Variants in TRMT44 observed in about 807,000 individuals in gnomAD.
TRMT44 encodes probable tRNA (uracil-O(2)-)-methyltransferase.
TRMT44 carries 78 observed loss-of-function variants against 77.3 expected under a neutral mutation model. That is an observed-to-expected ratio of 1.01 (90% CI 0.84 to 1.22). The LOEUF is 1.22. Among genes scored for constraint, TRMT44 ranks in the 50% most tolerant of loss-of-function variants. The probability of loss-of-function intolerance (pLI) is 0.00; values close to 1 mark genes in which losing one functional copy is unlikely to be tolerated. For missense variants in TRMT44, 1,090 were observed against 964.4 expected, an observed-to-expected ratio of 1.13 and a Z score of -1.73; for synonymous variants, 391 against 383.3, an observed-to-expected ratio of 1.02 and a Z score of -0.23.
At chr4:8,441,789 A>G (rs903200578) in intron 1 of TRMT44, among the ~76,000 whole-genome samples, 12 of 152,178 alleles carry the variant, frequency 7.9e-5, no homozygotes, top group African/African-American at 2.7e-4. Flanking sequence ...CGACGAAGGA[A>G]TGAGACGAGA....
intron 10 of TRMT44, among the ~76,000 whole-genome samples, chr4:8,474,035 G>T (rs539815093): frequency 6.6e-6 from 1 of 152,238 alleles, no homozygotes; most frequent in Non-Finnish European, 1.5e-5. Flanking sequence ...CTCCGGAGCC[G>T]CGTGGGAGGG....
At chr4:8,479,906 C>T (rs1560247108), downstream of TRMT44, among the ~76,000 whole-genome samples, 1 of 151,912 alleles carries the variant, frequency 6.6e-6, no homozygotes, top group Non-Finnish European at 1.5e-5. Context: ...GAGACGGGGT[C>T]TTGTTGTGTC....
chr4:8,511,202 A>G, the TRMT44 span, among the ~76,000 whole-genome samples: 1 of 152,244 alleles, frequency 6.6e-6, no homozygotes, highest in Non-Finnish European at 1.5e-5. Flanking sequence ...CTTTAATAAC[A>G]GTGAGTTACA....
At chr4:8,511,512 A>G in the TRMT44 span, among the ~76,000 whole-genome samples, 1 of 152,176 alleles carries the variant, frequency 6.6e-6, no homozygotes, top group East Asian at 1.9e-4. Flanking sequence ...GGTGCTGGTC[A>G]TTACCCCAAA....
chr4:8,441,929 C>G lies in TRMT44; in HGVS notation c.619+488C>G, dbSNP rs574861816. On this transcript the variant is annotated intron_variant, in intron 1 of 10. Coordinates refer to ENST00000389737, the MANE Select transcript of TRMT44 (RefSeq NM_152544.3). ...AGATCTAAGAAGCGGACGTTCGGGG[C>G]GAAAGGGTGAAAGGGAGACAGTGCA... Among the ~76,000 whole-genome samples the G allele has an allele frequency of 1.2e-4, 19 of 152,250 alleles. No homozygotes were observed. The East Asian group carries it at 3.7e-3, about 29-fold the overall frequency.
chr4:8,509,171 A>C, the TRMT44 span: 7 of 148,378 alleles, frequency 4.7e-5, no homozygotes, highest in Admixed American at 4.7e-4. Context: ...GAAGGAACCA[A>C]AGAGATCCTT....
chr4:8,474,791 G>A (rs879699442), intron 10 of TRMT44, among the ~76,000 whole-genome samples: 1 of 152,122 alleles, frequency 6.6e-6, no homozygotes, highest in Non-Finnish European at 1.5e-5. Flanking sequence ...TTCCCACAAG[G>A]AAACGGCCAA....
chr4:8,450,353 T>A (rs1458448375), intron 3 of TRMT44, among the ~76,000 whole-genome samples: 1 of 152,060 alleles, frequency 6.6e-6, no homozygotes, highest in Non-Finnish European at 1.5e-5. Context: ...TAGACAGATA[T>A]ATAATGGAAA....
downstream of TRMT44, among the ~76,000 whole-genome samples, chr4:8,481,492 G>A (rs768700357): frequency 6.6e-6 from 1 of 152,066 alleles, no homozygotes; most frequent in Non-Finnish European, 1.5e-5. Context: ...TACTCTCTTC[G>A]TCGACAACCT....
intron 1 of TRMT44, among the ~76,000 whole-genome samples, chr4:8,441,811 T>G (rs559268117): frequency 2.6e-5 from 4 of 151,996 alleles, no homozygotes; most frequent in African/African-American, 9.7e-5. Context: ...AGGTTAAGAG[T>G]GCATAAAGAT....
At chr4:8,480,034 C>T (rs1286416819), downstream of TRMT44, among the ~76,000 whole-genome samples, 1 of 152,076 alleles carries the variant, frequency 6.6e-6, no homozygotes, top group African/African-American at 2.4e-5. Context: ...GCACGTGCCA[C>T]CATGTTGCCC....
At chr4:8,445,192 A>G (rs191736245) in intron 1 of TRMT44, among the ~76,000 whole-genome samples, 3 of 152,286 alleles carry the variant, frequency 2.0e-5, no homozygotes, top group East Asian at 1.9e-4. Context: ...GGGTCTTACT[A>G]TGTTTCTTAG....
At chr4:8,465,110 G>A (rs1056418674) in intron 7 of TRMT44, among the ~76,000 whole-genome samples, 10 of 152,134 alleles carry the variant, frequency 6.6e-5, no homozygotes, top group Admixed American at 4.6e-4. Context: ...CCCCCTGGTA[G>A]TTACTATGCT....
Position 8,471,119 on chromosome 4 carries a change from G to A in TRMT44, c.1963G>A (p.Asp655Asn). 1 of 1,608,126 alleles carries A rather than the reference G, an allele frequency of 6.2e-7. No homozygotes were observed. The highest frequency in any genetic ancestry group is 8.5e-7 in the Non-Finnish European group (1 of 1,177,168). The change falls in exon 10 of 11, where the codon GAC (aspartate) becomes AAC (asparagine). Residue 655 changes from aspartate (D) to asparagine (N), a missense_variant. Coordinates refer to ENST00000389737, the MANE Select transcript of TRMT44 (RefSeq NM_152544.3). ...TCTGGCAGAAGTAGCCAACGAGCTG[G>A]ACACGGAGACCCTGCGGAGGCTGAA... ...LSLAEVANEL[D>N]TETLRRLKRE...
chr4:8,486,189 A>C (rs886850686), intron 2 of TRMT44, among the ~76,000 whole-genome samples: 1 of 152,202 alleles, frequency 6.6e-6, no homozygotes, highest in Non-Finnish European at 1.5e-5. Flanking sequence ...CTTAGGGGGA[A>C]TCTCGGGCTG....
chr4:8,445,389 A>C (rs1295874760), intron 1 of TRMT44, among the ~76,000 whole-genome samples: 1 of 152,242 alleles, frequency 6.6e-6, no homozygotes, highest in African/African-American at 2.4e-5. Context: ...CTGTACTTCT[A>C]TGAACTGCAA....
chr4:8,497,607 T>G (rs1251036646), downstream of TRMT44, among the ~76,000 whole-genome samples: 3 of 152,110 alleles, frequency 2.0e-5, no homozygotes, highest in Non-Finnish European at 4.4e-5. Flanking sequence ...ATCGCGCCAC[T>G]GCACTCCAGC....
chr4:8,505,136 T>A, the TRMT44 span, among the ~76,000 whole-genome samples: 2 of 152,168 alleles, frequency 1.3e-5, no homozygotes, highest in Admixed American at 6.5e-5. Context: ...CCTCTCTAGG[T>A]CCCTGTCCCT....
chr4:8,495,747 C>T (rs909788408), downstream of TRMT44, among the ~76,000 whole-genome samples: 7 of 152,198 alleles, frequency 4.6e-5, no homozygotes, highest in African/African-American at 1.7e-4. Context: ...GGTCTGGAGG[C>T]AGGGAACCTG....
Sources: allele counts gnomAD v4.1 joint callset (sites outside exome capture counted in the v4.1 genomes callset), GRCh38; gene constraint gnomAD v4.1.1; transcripts MANE v1.5; gene names NCBI Gene and HGNC (gene_info 2026-07-23, HGNC 2026-07-21).